EYS: variants seen among roughly 807,000 people sequenced by gnomAD.
EYS encodes EGF-like photoreceptor maintenance factor.
Under a neutral mutation model 282.1 loss-of-function variants are expected in EYS, and 250 were observed. The ratio of observed to expected loss-of-function variants is 0.89; its 90% CI spans 0.80 to 0.98. EYS has a LOEUF of 0.98. Ranked by LOEUF, EYS falls within the 50% of genes least tolerant of loss-of-function variation. The probability of loss-of-function intolerance (pLI) is 0.00; values close to 1 mark genes in which losing one functional copy is unlikely to be tolerated. For synonymous variants in EYS, 1,355 were observed against 1,282.9 expected (o/e 1.06, Z -1.20); for missense variants, 4,016 against 3,709.0 (o/e 1.08, Z -2.15).
intron 34 of EYS, among the ~76,000 whole-genome samples, chr6:63,987,792 G>C (rs923325787): frequency 1.3e-5 from 2 of 151,590 alleles, no homozygotes; most frequent in Non-Finnish European, 3.0e-5. Flanking sequence ...TTAGGGGTCT[G>C]GTGGGAGGAC....
intron 22 of EYS, among the ~76,000 whole-genome samples, chr6:64,697,141 A>G (rs1192677012): frequency 2.0e-5 from 3 of 152,180 alleles, no homozygotes; most frequent in African/African-American, 7.2e-5. Flanking sequence ...AACATGAATC[A>G]ACTACATGCT....
At chr6:64,896,023 A>G (rs1203791538) in intron 18 of EYS, among the ~76,000 whole-genome samples, 1 of 152,168 alleles carries the variant, frequency 6.6e-6, no homozygotes, top group Non-Finnish European at 1.5e-5. Context: ...TGAAGTGTCT[A>G]TTTCAATCAG....
At chr6:63,879,244 T>C (rs1267843166) in intron 35 of EYS, among the ~76,000 whole-genome samples, 6 of 152,192 alleles carry the variant, frequency 3.9e-5, no homozygotes, top group African/African-American at 1.4e-4. Context: ...TAGGCATATA[T>C]TATTTGATGT....
intron 36 of EYS, among the ~76,000 whole-genome samples, chr6:63,843,950 A>G (rs770820213): frequency 1.3e-5 from 2 of 152,170 alleles, no homozygotes; most frequent in Middle Eastern, 3.2e-3. Context: ...AGATCAACCC[A>G]TCACCTGGGC....
intron 41 of EYS, among the ~76,000 whole-genome samples, chr6:63,746,512 C>T (rs910177470): frequency 6.6e-6 from 1 of 152,210 alleles, no homozygotes; most frequent in African/African-American, 2.4e-5. Context: ...ACCAGCTCCT[C>T]TTTGTACCTC....
At chr6:63,754,696 G>T (rs1336229910) in intron 41 of EYS, among the ~76,000 whole-genome samples, 1 of 152,016 alleles carries the variant, frequency 6.6e-6, no homozygotes, top group Non-Finnish European at 1.5e-5. Flanking sequence ...TAATCCTTTG[G>T]GTATATACCC....
chr6:65,359,102 A>G (rs2150332117), intron 8 of EYS, among the ~76,000 whole-genome samples: 1 of 152,186 alleles, frequency 6.6e-6, no homozygotes, highest in Middle Eastern at 3.4e-3. Flanking sequence ...AGCTTGTGAG[A>G]GGAGTAATTC....
chr6:65,089,654 G>A (rs188504318), intron 12 of EYS, among the ~76,000 whole-genome samples: 6 of 152,054 alleles, frequency 3.9e-5, no homozygotes, highest in East Asian at 1.9e-4. Flanking sequence ...GCTGCAATGA[G>A]CTAAGACTTT....
intron 35 of EYS, among the ~76,000 whole-genome samples, chr6:63,982,795 C>T (rs1767162887): frequency 6.6e-6 from 1 of 151,630 alleles, no homozygotes; most frequent in Admixed American, 6.6e-5. Flanking sequence ...GTATGTTCAC[C>T]ACATATAGGG....
At chr6:65,192,132 C>T (rs962741132) in intron 12 of EYS, among the ~76,000 whole-genome samples, 2 of 151,682 alleles carry the variant, frequency 1.3e-5, no homozygotes, top group Admixed American at 6.6e-5. Flanking sequence ...TATGATTAAA[C>T]TGTTTTTAAT....
chr6:65,344,151 C>G lies in EYS; in HGVS notation c.1486G>C (p.Val496Leu), dbSNP rs1326481001. 2 of 1,609,968 alleles carry G rather than the reference C, an allele frequency of 1.2e-6. No homozygotes were observed. Among genetic ancestry groups the G allele is most frequent in the Non-Finnish European group, 1.7e-6 (2 of 1,177,560 alleles). The change falls in exon 10 of 43, where the codon GTT (valine) becomes CTT (leucine). Residue 496 changes from valine (V) to leucine (L), a missense_variant. Val to Leu is a conservative substitution (Grantham distance 32). Transcript: ENST00000503581. Reference sequence around the variant, plus strand: ...GCCAGAAAGAAATAGGCATCAATAACCCCTTGGCACTTTTCGCCTTCAGAT... The same window carrying G: ...GCCAGAAAGAAATAGGCATCAATAAGCCCTTGGCACTTTTCGCCTTCAGAT... ...AGSEGEKCQG[V>L]IDAYFFLAAN...
At chr6:64,900,765 A>G (rs1398311215) in intron 18 of EYS, among the ~76,000 whole-genome samples, 2 of 152,184 alleles carry the variant, frequency 1.3e-5, no homozygotes, top group Non-Finnish European at 2.9e-5. Flanking sequence ...AAATGTGGAG[A>G]AATAGGAATG....
intron 32 of EYS, among the ~76,000 whole-genome samples, chr6:64,073,008 G>A (rs931466592): frequency 5.3e-5 from 8 of 151,750 alleles, no homozygotes; most frequent in Non-Finnish European, 1.2e-4. Flanking sequence ...TTTAAAGGAA[G>A]CTCAGCCACT....
chr6:65,014,532 G>A (rs1003363585), intron 13 of EYS, among the ~76,000 whole-genome samples: 1 of 152,136 alleles, frequency 6.6e-6, no homozygotes, highest in Non-Finnish European at 1.5e-5. Context: ...ATCGAGGTTA[G>A]GCATGTGGGA....
chr6:64,219,194 C>G (rs956868330), intron 31 of EYS, among the ~76,000 whole-genome samples: 6 of 152,134 alleles, frequency 3.9e-5, no homozygotes, highest in Non-Finnish European at 8.8e-5. Flanking sequence ...CTTGAAGACT[C>G]TAGCTTTGAG....
intron 2 of EYS, among the ~76,000 whole-genome samples, chr6:65,527,065 G>T (rs975343433): frequency 1.3e-5 from 2 of 152,110 alleles, no homozygotes; most frequent in African/African-American, 4.8e-5. Context: ...AAATTTCCAT[G>T]TCTGTTACTG....
At chr6:65,035,437 A>G (rs1772736978) in intron 13 of EYS, among the ~76,000 whole-genome samples, 1 of 151,972 alleles carries the variant, frequency 6.6e-6, no homozygotes, top group Non-Finnish European at 1.5e-5. Flanking sequence ...AGAAAATTCC[A>G]TAGTCTCTAC....
At chr6:64,611,098 T>C (rs78392795) in intron 24 of EYS, among the ~76,000 whole-genome samples, 29,495 of 152,188 alleles carry the variant, frequency 0.19, 3,581 homozygotes, top group Admixed American at 0.3. Flanking sequence ...AAAGCTAGGA[T>C]CTTGGCTCTC....
chr6:64,016,482 C>G (rs1340426757), intron 33 of EYS, among the ~76,000 whole-genome samples: 1 of 141,044 alleles, frequency 7.1e-6, no homozygotes, highest in Non-Finnish European at 1.5e-5. Context: ...TGTGTCATAC[C>G]TTTTTGATTT....
Sources: gnomAD v4.1 joint callset for allele counts (sites outside exome capture counted in the v4.1 genomes callset) on GRCh38, gnomAD v4.1.1 for gene constraint, MANE v1.5 for transcripts, NCBI Gene and HGNC (gene_info 2026-07-23, HGNC 2026-07-21) for gene names.